Variants in ZBTB7C observed in about 807,000 individuals in gnomAD.
ZBTB7C encodes zinc finger and BTB domain-containing protein 7C.
In ZBTB7C, 8 loss-of-function variants were observed where a neutral mutation model predicts 25.7. That is an observed-to-expected ratio of 0.31 (90% confidence interval 0.18 to 0.56). The LOEUF (loss-of-function observed/expected upper bound fraction) is 0.56, where lower values mean the gene tolerates loss of function less well. ZBTB7C is among the 20% of genes least tolerant of loss of function. The pLI is 0.91. For synonymous variants in ZBTB7C, 394 were observed against 369.0 expected, an observed-to-expected ratio of 1.07 and a Z score of -0.78; for missense variants, 824 against 855.2, an observed-to-expected ratio of 0.96 and a Z score of 0.46.
chr18:48,359,466 T>A (rs958211708), intron 1 of ZBTB7C, among the ~76,000 whole-genome samples: 2 of 152,190 alleles, frequency 1.3e-5, no homozygotes, highest in African/African-American at 4.8e-5. Flanking sequence ...TTTATAGTAA[T>A]GGCAACATGA....
At chr18:48,308,265 AG>A (rs1192877418) in intron 2 of ZBTB7C, among the ~76,000 whole-genome samples, 3 of 152,192 alleles carry the variant, frequency 2.0e-5, no homozygotes, top group Admixed American at 2.0e-4. Context: ...CCCATCTCAG[AG>A]GAAAGGCAGG....
At chr18:48,149,772 C>G (rs1236142850) in intron 3 of ZBTB7C, 2 of 150,990 alleles carry the variant, frequency 1.3e-5, no homozygotes, top group Non-Finnish European at 2.9e-5. Context: ...GTGCTAAGAA[C>G]TTTGCATGCA....
chr18:48,197,040 G>A (rs888631996), intron 2 of ZBTB7C, among the ~76,000 whole-genome samples: 5 of 152,202 alleles, frequency 3.3e-5, no homozygotes, highest in African/African-American at 4.8e-5. Context: ...CCACGGTGAC[G>A]AGACCAAATT....
chr18:48,289,869 A>T (rs2045170283), intron 2 of ZBTB7C, among the ~76,000 whole-genome samples: 1 of 152,206 alleles, frequency 6.6e-6, no homozygotes, highest in Non-Finnish European at 1.5e-5. Flanking sequence ...CATGTTAGTC[A>T]TGATAGCAGT....
chr18:48,379,541 T>A (rs996511463), intron 1 of ZBTB7C, among the ~76,000 whole-genome samples: 9 of 152,156 alleles, frequency 5.9e-5, no homozygotes, highest in African/African-American at 2.2e-4. Context: ...TCATAGTGGA[T>A]CTATTTTTAT....
intron 3 of ZBTB7C, among the ~76,000 whole-genome samples, chr18:48,171,354 G>A (rs1015049696): frequency 6.6e-6 from 1 of 152,194 alleles, no homozygotes; most frequent in Non-Finnish European, 1.5e-5. Flanking sequence ...ACTCTTTGAG[G>A]TCAGGCACTC....
At chr18:48,238,754 T>C (rs1335888787) in intron 2 of ZBTB7C, among the ~76,000 whole-genome samples, 1 of 152,184 alleles carries the variant, frequency 6.6e-6, no homozygotes, top group Admixed American at 6.5e-5. Context: ...TAATTTCAAC[T>C]GAATGGGATG....
At chr18:48,317,412 G>T (rs578055775) in intron 2 of ZBTB7C, among the ~76,000 whole-genome samples, 1 of 152,252 alleles carries the variant, frequency 6.6e-6, no homozygotes, top group South Asian at 2.1e-4. Context: ...CCTGACCTCA[G>T]TCTCTGGCAC....
At position 48,136,874 on chromosome 18, in the gene ZBTB7C, C is replaced by T. The variant is rs534065805; in HGVS notation, c.-17+49060G>A. 191 of 806,000 alleles carry T rather than the reference C, an allele frequency of 2.4e-4. 1 individual carries two copies. In the African/African-American group the frequency reaches 3.5e-3, roughly 15 times the overall value. 49.9% of individuals were successfully genotyped at this position (806,000 alleles called of 1,614,324 possible). ...GCCACAGGGTCCCCGCAGCGCGTAG[C>T]GAGAATGCCCGCAGCGCTCTCCCGG... On this transcript the variant is annotated intron_variant, in intron 3 of 4. Coordinates refer to ENST00000590800, the MANE Select transcript of ZBTB7C (RefSeq NM_001318841.2).
At chr18:48,381,706 A>G (rs1364651266) in intron 1 of ZBTB7C, among the ~76,000 whole-genome samples, 1 of 152,252 alleles carries the variant, frequency 6.6e-6, no homozygotes, top group Non-Finnish European at 1.5e-5. Flanking sequence ...TACAAGAACA[A>G]AAGTATTTCT....
chr18:48,157,079 A>G (rs4465662), intron 3 of ZBTB7C, among the ~76,000 whole-genome samples: 150,867 of 152,304 alleles, frequency 0.99, 74,725 homozygotes, highest in Middle Eastern at 1. Context: ...AGGGTGGGAG[A>G]GGGTAGAGCC....
At chr18:48,171,816 C>T (rs2041490406) in intron 3 of ZBTB7C, among the ~76,000 whole-genome samples, 1 of 152,242 alleles carries the variant, frequency 6.6e-6, no homozygotes, top group Admixed American at 6.5e-5. Flanking sequence ...ATACCATCAT[C>T]CTATTGAATG....
At position 48,036,806 on chromosome 18, in the gene ZBTB7C, G is replaced by A. The variant is rs116869876; in HGVS notation, c.1208+3094C>T. ...GGAAGGGGCAGGTGTTAGGAATCGC[G>A]TTGGGGAATTCAGCCAAAAATAAGG... On this transcript the variant is annotated intron_variant, in intron 4 of 4. Transcript: ENST00000590800. 4.1e-3 allele frequency among the ~76,000 whole-genome samples: 630 copies of A among 152,264 alleles called. 14 individuals are homozygous for A. In the East Asian group the frequency reaches 0.06, roughly 14 times the overall value.
chr18:48,313,363 T>C (rs2045867853), intron 2 of ZBTB7C, among the ~76,000 whole-genome samples: 1 of 152,176 alleles, frequency 6.6e-6, no homozygotes, highest in Non-Finnish European at 1.5e-5. Flanking sequence ...GCAGTGGTTC[T>C]CAAGCCTGCC....
intron 3 of ZBTB7C, among the ~76,000 whole-genome samples, chr18:48,046,146 T>C (rs974165786): frequency 6.6e-6 from 1 of 152,258 alleles, no homozygotes; most frequent in Non-Finnish European, 1.5e-5. Context: ...AAATGTTTAT[T>C]CTCACTTTAA....
intron 2 of ZBTB7C, among the ~76,000 whole-genome samples, chr18:48,187,720 C>G (rs1295300896): frequency 1.4e-5 from 2 of 147,582 alleles, no homozygotes; most frequent in Non-Finnish European, 3.0e-5. Context: ...ACTCGGGAGG[C>G]TGAGGCAGGA....
At position 48,406,380 on chromosome 18, in the gene ZBTB7C, C is replaced by T. The variant is rs113189697; in HGVS notation, c.-304+2846G>A. 8.4e-3 allele frequency among the ~76,000 whole-genome samples: 1,283 copies of T among 152,168 alleles called. 18 individuals are homozygous for T. Among genetic ancestry groups the T allele is most frequent in the African/African-American group, 0.026 (1,088 of 41,484 alleles). On this transcript the variant is annotated intron_variant, in intron 1 of 4. Transcript: ENST00000590800. ...GGGGGTCTCTTATACCCTGGTCAGC[C>T]CAGGAAGCCCAAGTTGCGTGCTGAG...
chr18:48,161,657 C>G (rs1255887835), intron 3 of ZBTB7C, among the ~76,000 whole-genome samples: 1 of 151,632 alleles, frequency 6.6e-6, no homozygotes, highest in African/African-American at 2.4e-5. Context: ...TCCGTGCCTG[C>G]CCGCAGCCCC....
chr18:48,291,929 G>A (rs2144690917), intron 2 of ZBTB7C, among the ~76,000 whole-genome samples: 1 of 152,326 alleles, frequency 6.6e-6, no homozygotes, highest in East Asian at 1.9e-4. Context: ...CGGGCGTGGT[G>A]GCTCACACCT....
Sources: gnomAD v4.1 joint callset for allele counts (sites outside exome capture counted in the v4.1 genomes callset) on GRCh38, gnomAD v4.1.1 for gene constraint, MANE v1.5 for transcripts, NCBI Gene and HGNC (gene_info 2026-07-23, HGNC 2026-07-21) for gene names.